The following TSPAN2 variants were observed in gnomAD, a reference collection of about 807,000 sequenced individuals.
TSPAN2 encodes tetraspanin-2.
A neutral mutation model predicts 33.3 loss-of-function variants in TSPAN2; 24 were observed. The observed-to-expected ratio is 0.72, with a 90% CI of 0.52 to 1.01. The LOEUF (loss-of-function observed/expected upper bound fraction) is 1.01. Ranked by LOEUF, TSPAN2 falls within the 50% of genes least tolerant of loss-of-function variation. TSPAN2 has a pLI of 0.00. For synonymous variants in TSPAN2, 114 were observed against 104.5 expected (o/e 1.09, Z -0.56); for missense variants, 278 against 281.3 (o/e 0.99, Z 0.08).
rs369677459 is a variant in TSPAN2, at chr1:115,053,480, A to G, written c.517-18T>C. ...ATGCAATTCTGTTTTGAGGAAAAAA[A>G]GTCGGGAATAAAAACTGATTGTATG... On this transcript the variant is annotated intron_variant, in intron 6 of 7. Transcript: ENST00000369516. 2 of 1,610,656 alleles carry G rather than the reference A, an allele frequency of 1.2e-6. No homozygotes were observed. Among genetic ancestry groups the G allele is most frequent in the African/African-American group, 2.7e-5 (2 of 74,984 alleles).
chr1:115,089,411 G>C lies in TSPAN2; in HGVS notation c.22C>G (p.Leu8Val). 1.3e-6 allele frequency: 2 copies of C among 1,588,018 alleles called. No homozygotes were observed. The highest frequency in any genetic ancestry group is 1.7e-6 in the Non-Finnish European group (2 of 1,168,944). Residue 8 changes from leucine (L) to valine (V), a missense_variant, in exon 1 of 8, where the codon CTG becomes GTG. Coordinates refer to ENST00000369516, the MANE Select transcript of TSPAN2 (RefSeq NM_005725.6). ...AGCAGCAGGTACTTGATGCACCGCAGGCCCCCGCGGAAGCGCCCCATGCTG... is the reference window on the plus strand; with the variant it reads ...AGCAGCAGGTACTTGATGCACCGCACGCCCCCGCGGAAGCGCCCCATGCTG... MGRFRGGLRCIKYLLLGF... is the reference protein window; with the variant it reads MGRFRGGVRCIKYLLLGF...
At chr1:115,061,901 G>C (rs1452316994) in intron 3 of TSPAN2, among the ~76,000 whole-genome samples, 1 of 152,100 alleles carries the variant, frequency 6.6e-6, no homozygotes, top group African/African-American at 2.4e-5. Context: ...AGATCCTCCT[G>C]CCTCAGCCTC....
intron 2 of TSPAN2, among the ~76,000 whole-genome samples, chr1:115,065,905 C>G (rs900338331): frequency 1.3e-5 from 2 of 152,072 alleles, no homozygotes; most frequent in Admixed American, 1.3e-4. Context: ...CTCCCCAACC[C>G]CCTACACTCT....
rs185477738 is a variant in TSPAN2, at chr1:115,080,211, A to G, written c.70-7204T>C. 6.0e-4 allele frequency among the ~76,000 whole-genome samples: 91 copies of G among 152,374 alleles called. 2 individuals are homozygous for G. The East Asian group carries it at 0.016, about 26-fold the overall frequency. ...ATTATACATAATGTCTTTTCTCTTAACAATACAGGGAGAAGGAGAAGGAGA... is the reference window on the plus strand; with the variant it reads ...ATTATACATAATGTCTTTTCTCTTAGCAATACAGGGAGAAGGAGAAGGAGA... On this transcript the variant is annotated intron_variant, in intron 1 of 7. Transcript: ENST00000369516.
At chr1:115,071,932 A>T (rs1317693042) in intron 2 of TSPAN2, among the ~76,000 whole-genome samples, 1 of 152,048 alleles carries the variant, frequency 6.6e-6, no homozygotes, top group Non-Finnish European at 1.5e-5. Flanking sequence ...TCTTCTTGTG[A>T]TTTAGAGCAA....
chr1:115,069,890 T>A (rs1193054568), intron 2 of TSPAN2, among the ~76,000 whole-genome samples: 2 of 152,224 alleles, frequency 1.3e-5, no homozygotes, highest in Admixed American at 1.3e-4. Flanking sequence ...AACACACAAT[T>A]CTGATTCTTG....
chr1:115,078,593 C>T (rs985828029), intron 1 of TSPAN2, among the ~76,000 whole-genome samples: 1 of 152,142 alleles, frequency 6.6e-6, no homozygotes, highest in African/African-American at 2.4e-5. Context: ...CTTTCTGTCT[C>T]TCCACCATAT....
At chr1:115,053,315 AAT>A in intron 7 of TSPAN2, 62 bp downstream of exon 7, 1 of 1,429,498 alleles carries the variant, frequency 7.0e-7, no homozygotes, top group South Asian at 1.2e-5. Flanking sequence ...CTTGAAAAGA[AAT>A]AAGATGCAAA....
At chr1:115,089,316 G>GCC in intron 1 of TSPAN2, 48 bp downstream of exon 1, 2 of 1,012,922 alleles carry the variant, frequency 2.0e-6, no homozygotes, top group Non-Finnish European at 2.9e-6. Context: ...CCCCGCGCCC[G>GCC]CCACCCGGCC....
At chr1:115,078,100 C>T (rs1449205512) in intron 1 of TSPAN2, among the ~76,000 whole-genome samples, 2 of 152,212 alleles carry the variant, frequency 1.3e-5, no homozygotes, top group Non-Finnish European at 2.9e-5. Context: ...CAGATCCTTC[C>T]TGCCCCTGTG....
In TSPAN2 at chr1:115,050,556, C is replaced by A. The variant is rs1557874567; in HGVS notation, c.601-1G>T. 1.2e-6 allele frequency: 2 copies of A among 1,613,824 alleles called. No homozygotes were observed. The highest frequency in any genetic ancestry group is 1.6e-4 in the Middle Eastern group (1 of 6,062). On this transcript the variant is annotated splice_acceptor_variant, in intron 7 of 7. Coordinates refer to ENST00000369516, the MANE Select transcript of TSPAN2 (RefSeq NM_005725.6). LOFTEE classifies it high-confidence loss of function. The stretch of plus-strand genomic sequence containing the variant: ...CCATGCTGAATATCATGCCAAAGAT[C>A]TGAAACAGAAGAAACACTCATCAGT...
intron 1 of TSPAN2, among the ~76,000 whole-genome samples, chr1:115,079,231 G>T (rs976712184): frequency 6.6e-6 from 1 of 152,000 alleles, no homozygotes; most frequent in African/African-American, 2.4e-5. Flanking sequence ...CTTCTCCAGG[G>T]TGAATACCAA....
At chr1:115,082,258 G>T (rs1252723084) in intron 1 of TSPAN2, among the ~76,000 whole-genome samples, 2 of 152,206 alleles carry the variant, frequency 1.3e-5, no homozygotes, top group Non-Finnish European at 2.9e-5. Flanking sequence ...GGACAGTGCA[G>T]GTCTAGAATT....
At chr1:115,079,477 G>T (rs866852461) in intron 1 of TSPAN2, among the ~76,000 whole-genome samples, 16 of 152,160 alleles carry the variant, frequency 1.1e-4, no homozygotes, top group Non-Finnish European at 2.9e-5. Context: ...AAGCACATTT[G>T]CTCTGGAAGA....
chr1:115,080,681 A>T (rs1163369297), intron 1 of TSPAN2, among the ~76,000 whole-genome samples: 1 of 152,234 alleles, frequency 6.6e-6, no homozygotes. Context: ...ATATGTACAG[A>T]ACTAAAATCT....
chr1:115,075,100 G>A lies in TSPAN2; in HGVS notation c.70-2093C>T, dbSNP rs560225733. Among the ~76,000 whole-genome samples, 6 of 152,246 alleles carry A rather than the reference G, an allele frequency of 3.9e-5. No homozygotes were observed. In the East Asian group the frequency reaches 1.2e-3, roughly 29 times the overall value. On this transcript the variant is annotated intron_variant, in intron 1 of 7. Transcript: ENST00000369516. Reference sequence around the variant, plus strand: ...ACCCCACCACGAGGCCACATTTTTGGAATCTCTGTACACAAACTCTAATTT... The same window carrying A: ...ACCCCACCACGAGGCCACATTTTTGAAATCTCTGTACACAAACTCTAATTT...
chr1:115,050,282 A>G lies in TSPAN2; in HGVS notation c.*208T>C. 1 of 608,216 alleles carries G rather than the reference A, an allele frequency of 1.6e-6. No homozygotes were observed. The highest frequency in any genetic ancestry group is 2.9e-6 in the Non-Finnish European group (1 of 343,890). The allele number at this position is 608,216 out of a possible 1,614,324, so 37.7% of individuals were successfully genotyped here. On this transcript the variant is annotated 3_prime_UTR_variant, in exon 8 of 8. Transcript: ENST00000369516. ...TATTCCAGAAACACGCAGATCACACATGAATATGCTCTCAGTCATCATAAA... is the reference window on the plus strand; with the variant it reads ...TATTCCAGAAACACGCAGATCACACGTGAATATGCTCTCAGTCATCATAAA...
At chr1:115,058,485 A>C (rs1647524214) in intron 5 of TSPAN2, 1 of 251,440 alleles carries the variant, frequency 4.0e-6, no homozygotes, top group Non-Finnish European at 7.7e-6. Flanking sequence ...TCAAGGTCAC[A>C]AGGCTGTTGA....
intron 2 of TSPAN2, among the ~76,000 whole-genome samples, chr1:115,072,360 A>G (rs1003722509): frequency 1.3e-5 from 2 of 150,676 alleles, no homozygotes; most frequent in African/African-American, 2.4e-5. Context: ...CCTCCCCTCC[A>G]CTCTGCAGTC....
Sources: allele counts gnomAD v4.1 joint callset (sites outside exome capture counted in the v4.1 genomes callset), GRCh38; gene constraint gnomAD v4.1.1; transcripts MANE v1.5; gene names NCBI Gene and HGNC (gene_info 2026-07-23, HGNC 2026-07-21).